The following SAMMSON variants were observed in gnomAD, a reference collection of about 807,000 sequenced individuals.
SAMMSON encodes long intergenic non-protein coding RNA 1212.
At chr3:70,415,802 G>C (rs1016417802) in intron 2 of SAMMSON, among the ~76,000 whole-genome samples, 30 of 152,212 alleles carry the variant, frequency 2.0e-4, no homozygotes, top group Non-Finnish European at 4.4e-4. Context: ...CAAATGTTCT[G>C]AGCAAGAATC....
chr3:70,195,003 G>GT (rs1158330406), intron 4 of SAMMSON, among the ~76,000 whole-genome samples: 3 of 152,100 alleles, frequency 2.0e-5, no homozygotes, highest in Non-Finnish European at 4.4e-5. Flanking sequence ...TTTAACAATT[G>GT]TAACACCTGC....
intron 4 of SAMMSON, among the ~76,000 whole-genome samples, chr3:70,124,597 G>A (rs991113742): frequency 5.3e-5 from 8 of 152,132 alleles, no homozygotes; most frequent in African/African-American, 1.9e-4. Flanking sequence ...TGGATCACAA[G>A]GTCAGGAGAT....
intron 2 of SAMMSON, among the ~76,000 whole-genome samples, chr3:70,424,571 T>C (rs1701340156): frequency 1.3e-5 from 2 of 152,300 alleles, no homozygotes; most frequent in South Asian, 2.1e-4. Flanking sequence ...AAATTATGGA[T>C]TTGAGACCAT....
intron 4 of SAMMSON, among the ~76,000 whole-genome samples, chr3:70,170,970 G>A (rs1467657989): frequency 1.3e-5 from 2 of 151,756 alleles, no homozygotes; most frequent in African/African-American, 4.8e-5. Context: ...TGCGTGATTA[G>A]ACCTTGAAAT....
chr3:70,341,086 C>G (rs959045083), intron 7 of SAMMSON, among the ~76,000 whole-genome samples: 1 of 152,078 alleles, frequency 6.6e-6, no homozygotes, highest in African/African-American at 2.4e-5. Flanking sequence ...TCATTGTCAT[C>G]ATGTTTATTG....
At chr3:70,191,549 C>T (rs1457685926) in intron 4 of SAMMSON, among the ~76,000 whole-genome samples, 1 of 152,126 alleles carries the variant, frequency 6.6e-6, no homozygotes, top group Non-Finnish European at 1.5e-5. Context: ...AATTGCAATA[C>T]ATTGACTTTG....
chr3:70,342,542 C>T lies in SAMMSON; in HGVS notation n.740-11633C>T, dbSNP rs142233796. Among the ~76,000 whole-genome samples the T allele has an allele frequency of 4.6e-5, 7 of 152,254 alleles. No individual in the cohort carries two copies. The East Asian group carries it at 7.7e-4, about 17-fold the overall frequency. Reference sequence around the variant, plus strand: ...GTGTCTGATTACCTTCTGAAGAACTCAATTGCCACTTTTTTTTCACTAAAT... The same window carrying T: ...GTGTCTGATTACCTTCTGAAGAACTTAATTGCCACTTTTTTTTCACTAAAT... On this transcript the variant is annotated intron_variant and non_coding_transcript_variant, in intron 7 of 9. Coordinates refer to ENST00000642114, the Ensembl canonical transcript of SAMMSON.
intron 3 of SAMMSON, among the ~76,000 whole-genome samples, chr3:70,031,443 A>C (rs537325672): frequency 6.0e-4 from 92 of 152,168 alleles, no homozygotes; most frequent in Non-Finnish European, 9.8e-4. Context: ...GGGTTGGTGA[A>C]AAATTTCTGG....
downstream of SAMMSON, among the ~76,000 whole-genome samples, chr3:70,393,480 T>C (rs575425969): frequency 1.3e-5 from 2 of 152,226 alleles, no homozygotes; most frequent in African/African-American, 4.8e-5. Context: ...TGCTCTTACA[T>C]GCCATGAGCA....
chr3:70,065,130 TTTTA>T (rs2067204803), intron 3 of SAMMSON: 2 of 152,170 alleles, frequency 1.3e-5, no homozygotes, highest in African/African-American at 4.8e-5. Context: ...TGTTCCATTT[TTTTA>T]TTTTTTTTGC....
At chr3:70,096,452 G>A (rs780105639) in intron 4 of SAMMSON, among the ~76,000 whole-genome samples, 1 of 152,168 alleles carries the variant, frequency 6.6e-6, no homozygotes, top group Non-Finnish European at 1.5e-5. Context: ...ACTGAGAAGA[G>A]AGGATTGCTT....
At chr3:70,293,403 A>T (rs1261515088) in intron 7 of SAMMSON, among the ~76,000 whole-genome samples, 1 of 152,170 alleles carries the variant, frequency 6.6e-6, no homozygotes. Context: ...AGAGCCAAGG[A>T]TACTTTGTAA....
chr3:70,149,382 A>C (rs973149686), intron 4 of SAMMSON, among the ~76,000 whole-genome samples: 1 of 152,070 alleles, frequency 6.6e-6, no homozygotes, highest in African/African-American at 2.4e-5. Flanking sequence ...AGTGGCTTAG[A>C]ACAGTCCCTA....
intron 7 of SAMMSON, among the ~76,000 whole-genome samples, chr3:70,294,438 A>G (rs1702270781): frequency 6.6e-6 from 1 of 152,160 alleles, no homozygotes; most frequent in Non-Finnish European, 1.5e-5. Flanking sequence ...AGAAAGGAAT[A>G]AGAAACCATA....
rs75003725 is a variant in SAMMSON, at chr3:70,150,613, C to T, written n.507+79048C>T. 2.3e-4 allele frequency among the ~76,000 whole-genome samples: 35 copies of T among 152,004 alleles called. 1 individual carries two copies. The East Asian group carries it at 6.2e-3, about 27-fold the overall frequency. ...TTGAAATAGATTAGCAGGATTCATT[C>T]CATTATTCTAGAAAAAAAATAGCTA... On this transcript the variant is annotated intron_variant and non_coding_transcript_variant, in intron 4 of 9. Coordinates refer to ENST00000642114, the Ensembl canonical transcript of SAMMSON.
chr3:70,328,357 C>T (rs1178549094), intron 7 of SAMMSON, among the ~76,000 whole-genome samples: 4 of 152,106 alleles, frequency 2.6e-5, no homozygotes, highest in Non-Finnish European at 5.9e-5. Flanking sequence ...TAGAAATATA[C>T]ACTGAAATGA....
intron 9 of SAMMSON, among the ~76,000 whole-genome samples, chr3:70,374,743 GA>G (rs1331716873): frequency 6.6e-6 from 1 of 152,122 alleles, no homozygotes; most frequent in Middle Eastern, 3.2e-3. Context: ...CACAGCCTGG[GA>G]ATGGTGGAAG....
chr3:70,431,677 T>A (rs1416436086), intron 2 of SAMMSON, among the ~76,000 whole-genome samples: 1 of 152,050 alleles, frequency 6.6e-6, no homozygotes. Context: ...GACAATTGTA[T>A]AAGCTCATAT....
chr3:70,240,594 G>T (rs568260063), intron 4 of SAMMSON, among the ~76,000 whole-genome samples: 1 of 152,126 alleles, frequency 6.6e-6, no homozygotes, highest in Non-Finnish European at 1.5e-5. Context: ...TGAAATAATA[G>T]CTCTAAGAAA....
Sources: gnomAD v4.1 joint callset for allele counts (sites outside exome capture counted in the v4.1 genomes callset) on GRCh38, gnomAD v4.1.1 for gene constraint, MANE v1.5 for transcripts, NCBI Gene and HGNC (gene_info 2026-07-23, HGNC 2026-07-21) for gene names.